CTNNAL1: variants seen among roughly 807,000 people sequenced by gnomAD.
CTNNAL1 encodes catenin alpha like 1.
CTNNAL1 carries 69 observed loss-of-function variants against 93.6 expected under a neutral mutation model. The observed-to-expected ratio is 0.74, with a 90% CI of 0.61 to 0.90. The LOEUF (loss-of-function observed/expected upper bound fraction) is 0.90, where lower values mean the gene tolerates loss of function less well. Among genes scored for constraint, CTNNAL1 ranks in the 40% least tolerant of loss-of-function variants. CTNNAL1 has a pLI of 0.00. For missense variants in CTNNAL1, 836 were observed against 862.0 expected (o/e 0.97, Z 0.38); for synonymous variants, 286 against 305.4 (o/e 0.94, Z 0.66).
chr9:108,968,094 C>T (rs1250660340), intron 10 of CTNNAL1, among the ~76,000 whole-genome samples: 1 of 152,208 alleles, frequency 6.6e-6, no homozygotes, highest in Non-Finnish European at 1.5e-5. Flanking sequence ...AAAGCAGGCA[C>T]ATAACTTGCC....
intron 11 of CTNNAL1, among the ~76,000 whole-genome samples, chr9:108,965,125 C>T (rs1259573492): frequency 6.6e-6 from 1 of 151,996 alleles, no homozygotes; most frequent in Non-Finnish European, 1.5e-5. Context: ...CCTCCCAAAG[C>T]GCTGGGATTA....
intron 15 of CTNNAL1, among the ~76,000 whole-genome samples, chr9:108,946,559 A>G (rs920847820): frequency 1.3e-5 from 2 of 152,178 alleles, no homozygotes; most frequent in Non-Finnish European, 2.9e-5. Context: ...CCACCCCTCT[A>G]TCACCTCTGT....
At chr9:108,967,447 G>A (rs1329186199) in intron 10 of CTNNAL1, among the ~76,000 whole-genome samples, 2 of 152,170 alleles carry the variant, frequency 1.3e-5, no homozygotes, top group East Asian at 1.9e-4. Context: ...AGTAGGCACT[G>A]TGCCCACGTT....
rs778031559 is a variant in CTNNAL1 at position 109,013,428 on chromosome 9, G to C, written c.15C>G (p.Pro5=). The change falls in exon 1 of 19, where the codon CCC becomes CCG. Residue 5 remains proline (P), a synonymous_variant. Transcript: ENST00000325551. MAAS[P]GPAGVGGAGA... is the part of the protein sequence containing the mutation. ...CGGCGCCGCCAACGCCGGCGGGTCC[G>C]GGAGAGGCGGCCATGGCCCTCGGTC... The C allele has an allele frequency of 1.4e-6, 2 of 1,478,254 alleles. No individual in the cohort carries two copies. The highest frequency in any genetic ancestry group is 2.6e-5 in the South Asian group (2 of 77,000). The allele number at this position is 1,478,254 out of a possible 1,614,324, so 91.6% of individuals were successfully genotyped here.
chr9:108,949,967 T>C (rs923806658), intron 14 of CTNNAL1, among the ~76,000 whole-genome samples: 1 of 145,006 alleles, frequency 6.9e-6, no homozygotes. Flanking sequence ...GAGGTTGCAG[T>C]GAGCCGAGAT....
chr9:108,956,555 C>T (rs1830693054), intron 11 of CTNNAL1, among the ~76,000 whole-genome samples: 1 of 152,176 alleles, frequency 6.6e-6, no homozygotes, highest in South Asian at 2.1e-4. Context: ...AAAATTTCTT[C>T]TTCAAGGAAA....
chr9:108,972,896 A>C (rs1831159535), intron 8 of CTNNAL1, 63 bp from the exon 9 acceptor site: 1 of 1,463,314 alleles, frequency 6.8e-7, no homozygotes, highest in South Asian at 1.4e-5. Flanking sequence ...GATGAAGGAA[A>C]GAAAACAAAC....
At chr9:108,997,079 C>G (rs1587985811) in intron 2 of CTNNAL1, among the ~76,000 whole-genome samples, 1 of 152,094 alleles carries the variant, frequency 6.6e-6, no homozygotes, top group East Asian at 1.9e-4. Flanking sequence ...CTTTCACATC[C>G]TTTTCTAAAG....
intron 11 of CTNNAL1, among the ~76,000 whole-genome samples, chr9:108,961,114 A>G (rs1830810653): frequency 6.6e-6 from 1 of 152,246 alleles, no homozygotes; most frequent in South Asian, 2.1e-4. Context: ...ACAGGAGGCA[A>G]GTTATGCAGA....
chr9:108,952,130 A>G (rs997746763), intron 14 of CTNNAL1, 79 bp downstream of exon 14: 20 of 1,246,866 alleles, frequency 1.6e-5, no homozygotes, highest in Admixed American at 5.1e-5. Context: ...TAACCTGTCA[A>G]TGATTTAACA....
chr9:109,000,790 G>A (rs1169198704), intron 1 of CTNNAL1, among the ~76,000 whole-genome samples: 2 of 151,972 alleles, frequency 1.3e-5, no homozygotes, highest in African/African-American at 4.8e-5. Flanking sequence ...TAGTGGGTCG[G>A]GGGCAAGTTA....
chr9:108,943,918 T>C (rs576450579), intron 16 of CTNNAL1, 44 bp downstream of exon 16: 3 of 1,604,482 alleles, frequency 1.9e-6, no homozygotes, highest in Admixed American at 1.7e-5. Context: ...AAGTAGGTTA[T>C]ACATAATACC....
chr9:108,962,244 C>G (rs1220091703), intron 11 of CTNNAL1, among the ~76,000 whole-genome samples: 1 of 152,066 alleles, frequency 6.6e-6, no homozygotes, highest in African/African-American at 2.4e-5. Flanking sequence ...TACCTGGAAC[C>G]CAGTACATTC....
intron 1 of CTNNAL1, among the ~76,000 whole-genome samples, chr9:108,999,955 T>C (rs1826735796): frequency 6.6e-6 from 1 of 152,186 alleles, no homozygotes; most frequent in African/African-American, 2.4e-5. Context: ...TCTAAGAATA[T>C]TTATTAAAGA....
At position 108,979,500 on chromosome 9, in the gene CTNNAL1, T is replaced by C; in HGVS notation, c.901-19A>G. The C allele has an allele frequency of 1.2e-6, 2 of 1,611,698 alleles. No individual in the cohort carries two copies. Among genetic ancestry groups the C allele is most frequent in the South Asian group, 1.1e-5 (1 of 90,724 alleles). On this transcript the variant is annotated intron_variant, in intron 6 of 18. Transcript: ENST00000325551. ...TATTCATCTGAGAACAAAAAGGACA[T>C]CTATCCATCCATGTGAGTCAATATT... is the stretch of plus-strand genomic sequence containing the variant.
At chr9:108,975,109 G>A (rs62575208) in intron 8 of CTNNAL1, among the ~76,000 whole-genome samples, 7,582 of 152,178 alleles carry the variant, frequency 0.05, 309 homozygotes, top group South Asian at 0.13. Context: ...GTGGCAGTGA[G>A]CCAAGATCAC....
chr9:108,974,588 C>T (rs1212141410), intron 8 of CTNNAL1, among the ~76,000 whole-genome samples: 2 of 152,100 alleles, frequency 1.3e-5, no homozygotes, highest in African/African-American at 2.4e-5. Context: ...AATCCCAGCC[C>T]TTTCGGAGGC....
rs527531751 is a variant in CTNNAL1 at position 109,013,226 on chromosome 9, C to G, written c.141+76G>C. On this transcript the variant is annotated intron_variant, in intron 1 of 18. Transcript: ENST00000325551. ...AGTGGGGCAGCGGCTGCCTCCCGTC[C>G]GGTCGTGCGAGCGGCGGCCGCCATC... is the stretch of plus-strand genomic sequence containing the variant. The G allele has an allele frequency of 2.7e-5, 38 of 1,390,258 alleles. No individual in the cohort carries two copies. The South Asian group carries it at 4.8e-4, about 17-fold the overall frequency. 86.1% of individuals were successfully genotyped at this position (1,390,258 alleles called of 1,614,324 possible). A position where few individuals can be genotyped will look rare whatever the true frequency, so the allele number is the denominator to read the frequency against.
chr9:108,970,274 T>G, intron 10 of CTNNAL1, 128 bp downstream of exon 10: 1 of 788,424 alleles, frequency 1.3e-6, no homozygotes, highest in Non-Finnish European at 1.8e-6. Flanking sequence ...AGAAATTCCA[T>G]TATCTTTCTT....
Sources: allele counts gnomAD v4.1 joint callset (sites outside exome capture counted in the v4.1 genomes callset), GRCh38; gene constraint gnomAD v4.1.1; transcripts MANE v1.5; gene names NCBI Gene and HGNC (gene_info 2026-07-23, HGNC 2026-07-21).